GOT1: variants seen among roughly 807,000 people sequenced by gnomAD.
GOT1 encodes the protein glutamic-oxaloacetic transaminase 1.
Under a neutral mutation model 48.2 loss-of-function variants are expected in GOT1, and 25 were observed. The observed-to-expected ratio is 0.52, with a 90% CI of 0.38 to 0.72. The LOEUF is 0.72. Among genes scored for constraint, GOT1 ranks in the 30% least tolerant of loss-of-function variants. GOT1 has a pLI of 0.00. For missense variants in GOT1, 380 were observed against 520.1 expected, an observed-to-expected ratio of 0.73 and a Z score of 2.62; for synonymous variants, 188 against 193.8, an observed-to-expected ratio of 0.97 and a Z score of 0.25.
chr10:99,400,757 A>G (rs1589933985), intron 8 of GOT1, among the ~76,000 whole-genome samples: 1 of 152,222 alleles, frequency 6.6e-6, no homozygotes, highest in Admixed American at 6.5e-5. Flanking sequence ...CCTGGTCAAC[A>G]TGGTGAAACC....
intron 1 of GOT1, among the ~76,000 whole-genome samples, chr10:99,427,534 G>A (rs557903129): frequency 6.6e-5 from 10 of 152,330 alleles, no homozygotes; most frequent in African/African-American, 2.4e-4. Flanking sequence ...CTCCCAAAGC[G>A]TTGGGATTAC....
rs2032713833 is a variant in GOT1 at position 99,403,511 on chromosome 10, A to G, written c.917T>C (p.Ile306Thr). The change falls in exon 7 of 9, where the codon ATT becomes ACT. Residue 306 changes from isoleucine to threonine, a missense_variant. Transcript: ENST00000370508. Reference protein sequence around the residue: ...WSNPPAQGARIVASTLSNPEL... With the variant: ...WSNPPAQGARTVASTLSNPEL... ...AGGGTTAGAGAGGGTGCTGGCCACAATTCGTGCTCCCTGGGCGGGGGGATT... is the reference window on the plus strand; with the variant it reads ...AGGGTTAGAGAGGGTGCTGGCCACAGTTCGTGCTCCCTGGGCGGGGGGATT... The G allele has an allele frequency of 1.2e-6, 2 of 1,613,980 alleles. No homozygotes were observed. The highest frequency in any genetic ancestry group is 1.1e-5 in the South Asian group (1 of 91,076).
At position 99,403,652 on chromosome 10, in the gene GOT1, A is replaced by T. The variant is rs2032716069; in HGVS notation, c.794-18T>A. On this transcript the variant is annotated intron_variant, in intron 6 of 8. Coordinates refer to ENST00000370508, the MANE Select transcript of GOT1 (RefSeq NM_002079.3). The stretch of plus-strand genomic sequence containing the variant: ...TCTCTCATCTAAAGAGAGGGACCAG[A>T]ATCAGCTGTGGCTGCTGAAGCAGGG... 2 of 1,614,006 alleles carry T rather than the reference A, an allele frequency of 1.2e-6. No homozygotes were observed. Among genetic ancestry groups the T allele is most frequent in the East Asian group, 2.2e-5 (1 of 44,876 alleles).
intron 2 of GOT1, among the ~76,000 whole-genome samples, chr10:99,408,757 C>T (rs1564970838): frequency 6.6e-6 from 1 of 152,068 alleles, no homozygotes; most frequent in Non-Finnish European, 1.5e-5. Flanking sequence ...GGACACACGC[C>T]AATCTTCTAA....
chr10:99,405,183 A>G (rs1346084504), intron 5 of GOT1, among the ~76,000 whole-genome samples: 1 of 152,206 alleles, frequency 6.6e-6, no homozygotes, highest in African/African-American at 2.4e-5. Context: ...CAGTTCCTTA[A>G]TAAGTATTCT....
chr10:99,409,139 T>G (rs974468872), intron 2 of GOT1, among the ~76,000 whole-genome samples: 10 of 151,548 alleles, frequency 6.6e-5, no homozygotes, highest in Non-Finnish European at 1.2e-4. Context: ...GTTTTTTTTT[T>G]GTTTGTTTTT....
At position 99,406,244 on chromosome 10, in the gene GOT1, G is replaced by T. The variant is rs1318451826; in HGVS notation, c.430C>A (p.His144Asn). Residue 144 changes from histidine to asparagine, a missense_variant, in exon 4 of 9, where the codon CAC (histidine) becomes AAC (asparagine). By Grantham distance (68) the His-to-Asn change is moderately conservative (BLOSUM62 1). Transcript: ENST00000370508. ...CCAGCAGCGGAAAACACAGCATTGT[G>T]ATTCTCTGCATGCAAAGAAGTAAAA... ...VYVSSPTWEN[H>N]NAVFSAAGFK... 6.2e-7 allele frequency: 1 copy of T among 1,608,234 alleles called. No homozygotes were observed.
At chr10:99,430,128 C>A (rs890464075) in intron 1 of GOT1, 3 of 541,426 alleles carry the variant, frequency 5.5e-6, no homozygotes, top group Non-Finnish European at 1.0e-5. Flanking sequence ...CCTCTCTCTA[C>A]AAGCTCCGGC....
intron 2 of GOT1, among the ~76,000 whole-genome samples, chr10:99,410,329 A>C (rs1479977220): frequency 2.6e-5 from 4 of 152,224 alleles, no homozygotes; most frequent in Non-Finnish European, 5.9e-5. Context: ...CTTCCTAAGC[A>C]AATGAGCAAG....
At position 99,397,302 on chromosome 10, in the gene GOT1, T is replaced by C; in HGVS notation, c.*245A>G. 1 of 492,464 alleles carries C rather than the reference T, an allele frequency of 2.0e-6. No individual in the cohort carries two copies. The highest frequency in any genetic ancestry group is 3.7e-6 in the Non-Finnish European group (1 of 273,004). 30.5% of individuals were successfully genotyped at this position (492,464 alleles called of 1,614,324 possible). ...TACCTATGTCTCATGATCAAAGTAC[T>C]CTTTTATTCTTAAATAAAAATCTTA... On this transcript the variant is annotated 3_prime_UTR_variant, in exon 9 of 9. Coordinates refer to ENST00000370508, the MANE Select transcript of GOT1 (RefSeq NM_002079.3). The surrounding 1 kb of genome is among the most constrained non-coding windows in gnomAD (Gnocchi z 5.4).
chr10:99,428,970 AGCTTCAACAAATTACCC>A (rs1428800544), intron 1 of GOT1, among the ~76,000 whole-genome samples: 2 of 152,178 alleles, frequency 1.3e-5, no homozygotes, highest in Admixed American at 6.5e-5. Context: ...CCCATCATCC[AGCTTCAACAAATTACCC>A]GCTTCAACAA....
rs1367859733 is a variant in GOT1, at chr10:99,410,846, C to T, written c.301-3997G>A. Among the ~76,000 whole-genome samples the T allele has an allele frequency of 2.0e-5, 3 of 152,136 alleles. No homozygotes were observed. The East Asian group carries it at 5.8e-4, about 29-fold the overall frequency. On this transcript the variant is annotated intron_variant, in intron 2 of 8. Coordinates refer to ENST00000370508, the MANE Select transcript of GOT1 (RefSeq NM_002079.3). The stretch of plus-strand genomic sequence containing the variant: ...CTTCTCAAGGAGCCAGGCAACTGGA[C>T]CTGGGTAAACAAGAGTATCCAGAAC...
At chr10:99,416,715 T>C (rs1433720959) in intron 2 of GOT1, among the ~76,000 whole-genome samples, 1 of 152,208 alleles carries the variant, frequency 6.6e-6, no homozygotes, top group African/African-American at 2.4e-5. Flanking sequence ...AGCATGGTAC[T>C]GGTACCAAAA....
intron 8 of GOT1, among the ~76,000 whole-genome samples, chr10:99,398,305 G>T (rs942215609): frequency 6.6e-6 from 1 of 152,214 alleles, no homozygotes; most frequent in Non-Finnish European, 1.5e-5. Context: ...GGTAAGAAGA[G>T]ACTACCTGTA....
intron 2 of GOT1, among the ~76,000 whole-genome samples, chr10:99,418,056 A>AT: frequency 6.9e-6 from 1 of 145,040 alleles, no homozygotes; most frequent in African/African-American, 2.5e-5. Context: ...ATAATTAAAA[A>AT]AAAAAATATA....
At chr10:99,429,350 C>CTTT (rs71488890) in intron 1 of GOT1, among the ~76,000 whole-genome samples, 12 of 140,856 alleles carry the variant, frequency 8.5e-5, no homozygotes, top group African/African-American at 2.9e-4. Flanking sequence ...GCCCGGCCGA[C>CTTT]TTTTTTTTTT....
At chr10:99,417,354 G>A (rs1255111289) in intron 2 of GOT1, among the ~76,000 whole-genome samples, 8 of 152,110 alleles carry the variant, frequency 5.3e-5, no homozygotes. Context: ...GGCCATCAGA[G>A]AAATGCAAAT....
rs761969431 is a variant in GOT1 at position 99,402,604 on chromosome 10, T to C, written c.1078A>G (p.Met360Val). 1 of 1,614,196 alleles carries C rather than the reference T, an allele frequency of 6.2e-7. No homozygotes were observed. The highest frequency in any genetic ancestry group is 1.1e-5 in the South Asian group (1 of 91,080). Residue 360 changes from methionine (M) to valine (V), a missense_variant, in exon 8 of 9, where the codon ATG (methionine) becomes GTG (valine). Transcript: ENST00000370508. ...TWNHITDQIG[M>V]FSFTGLNPKQ... ...CGGTTCAACCCAGTGAAGCTGAACA[T>C]GCCAATTTGATCAGTGATGTGGTTC...
intron 1 of GOT1, among the ~76,000 whole-genome samples, chr10:99,422,951 A>G (rs2032990113): frequency 6.6e-6 from 1 of 152,220 alleles, no homozygotes. Flanking sequence ...TCAGTGAACG[A>G]CCCTGTACAT....
Sources: allele counts gnomAD v4.1 joint callset (sites outside exome capture counted in the v4.1 genomes callset), GRCh38; gene constraint gnomAD v4.1.1; non-coding constraint Gnocchi (gnomAD v3.1); transcripts MANE v1.5; gene names NCBI Gene and HGNC (gene_info 2026-07-23, HGNC 2026-07-21).